CNOT10: variants seen among roughly 807,000 people sequenced by gnomAD.
CNOT10 encodes CCR4-NOT transcription complex subunit 10.
In CNOT10, 30 loss-of-function variants were observed where a neutral mutation model predicts 94.6. The observed-to-expected ratio is 0.32, with a 90% CI of 0.24 to 0.43. The LOEUF (loss-of-function observed/expected upper bound fraction) is 0.43, where lower values mean the gene tolerates loss of function less well. CNOT10 is among the 20% of genes least tolerant of loss of function. CNOT10 has a pLI of 1.00. For synonymous variants in CNOT10, 289 were observed against 301.6 expected (o/e 0.96, Z 0.43); for missense variants, 759 against 877.2 (o/e 0.87, Z 1.70).
At chr3:32,714,003 A>G (rs1288379934) in intron 5 of CNOT10, among the ~76,000 whole-genome samples, 3 of 152,150 alleles carry the variant, frequency 2.0e-5, no homozygotes, top group Non-Finnish European at 2.9e-5. Flanking sequence ...GTGTGGATAT[A>G]TGTTTTCAGT....
chr3:32,766,371 G>C (rs1478073159), intron 17 of CNOT10, among the ~76,000 whole-genome samples: 3 of 46,038 alleles, frequency 6.5e-5, no homozygotes, highest in Admixed American at 2.9e-4. Context: ...GGTGGCTCAT[G>C]CCTGTAATCC....
At chr3:32,734,706 T>C in intron 11 of CNOT10, 94 bp from the exon 12 acceptor site, 1 of 1,064,494 alleles carries the variant, frequency 9.4e-7, no homozygotes, top group Non-Finnish European at 1.3e-6. Flanking sequence ...GGCATAGCTT[T>C]CATTTATAAT....
chr3:32,694,164 A>G (rs1052769257), intron 1 of CNOT10, among the ~76,000 whole-genome samples: 2 of 151,542 alleles, frequency 1.3e-5, no homozygotes, highest in Admixed American at 1.3e-4. Context: ...ATTTAAAAAA[A>G]GTGTTTGGTA....
chr3:32,690,235 G>A (rs993152376), intron 1 of CNOT10, among the ~76,000 whole-genome samples: 20 of 152,160 alleles, frequency 1.3e-4, no homozygotes, highest in Admixed American at 1.1e-3. Context: ...GTACTACTTG[G>A]TATTTGTGGG....
chr3:32,723,760 C>G (rs539129520), intron 8 of CNOT10, among the ~76,000 whole-genome samples: 1 of 152,086 alleles, frequency 6.6e-6, no homozygotes, highest in African/African-American at 2.4e-5. Context: ...AACTAGTAAC[C>G]AACAGAAAAA....
chr3:32,741,993 T>A (rs1207626623), intron 13 of CNOT10, among the ~76,000 whole-genome samples: 1 of 151,956 alleles, frequency 6.6e-6, no homozygotes, highest in African/African-American at 2.4e-5. Flanking sequence ...ATTTTATTTT[T>A]TTGCCAGGCT....
rs567875962 is a variant in CNOT10, at chr3:32,761,876, G to A, written c.1710-857G>A. ...CAGCTTCCATCTCCCGGGTTCAAGCGATTCTCCTGCCTCAGCCTCCCAAGT... is the reference window on the plus strand; with the variant it reads ...CAGCTTCCATCTCCCGGGTTCAAGCAATTCTCCTGCCTCAGCCTCCCAAGT... On this transcript the variant is annotated intron_variant, in intron 14 of 18. Transcript: ENST00000328834. Among the ~76,000 whole-genome samples the A allele has an allele frequency of 2.4e-4, 37 of 151,236 alleles. No individual in the cohort carries two copies. The South Asian group carries it at 5.7e-3, about 23-fold the overall frequency.
chr3:32,766,796 T>C (rs74934631), intron 17 of CNOT10, among the ~76,000 whole-genome samples: 1,666 of 152,278 alleles, frequency 0.011, 61 homozygotes, highest in East Asian at 0.1. Flanking sequence ...AAGATTTTGA[T>C]TGGATCTCTT....
intron 1 of CNOT10, among the ~76,000 whole-genome samples, chr3:32,688,032 A>C (rs1696705724): frequency 6.6e-6 from 1 of 152,166 alleles, no homozygotes; most frequent in East Asian, 1.9e-4. Flanking sequence ...AGGGTCATGA[A>C]AGGACTTAAG....
chr3:32,725,676 A>G, intron 9 of CNOT10, 77 bp downstream of exon 9: 1 of 1,330,230 alleles, frequency 7.5e-7, no homozygotes, highest in Non-Finnish European at 1.0e-6. Context: ...ATGTGGTTAA[A>G]ATACCCACCA....
At chr3:32,754,141 GATT>G (rs1198762971) in intron 13 of CNOT10, among the ~76,000 whole-genome samples, 1 of 151,738 alleles carries the variant, frequency 6.6e-6, no homozygotes, top group Non-Finnish European at 1.5e-5. Context: ...ACATTTTTTG[GATT>G]ATTGTAGACA....
At chr3:32,760,990 A>G (rs1410351725) in intron 14 of CNOT10, among the ~76,000 whole-genome samples, 2 of 151,834 alleles carry the variant, frequency 1.3e-5, no homozygotes, top group Non-Finnish European at 2.9e-5. Flanking sequence ...TTAGCCGGGC[A>G]TGGGGGCACA....
intron 1 of CNOT10, among the ~76,000 whole-genome samples, chr3:32,701,025 G>A (rs952737789): frequency 2.6e-5 from 4 of 152,158 alleles, no homozygotes. Context: ...TGTAATCCTA[G>A]CACTTTGGGA....
At chr3:32,717,722 C>T (rs576731702) in intron 7 of CNOT10, among the ~76,000 whole-genome samples, 13 of 151,852 alleles carry the variant, frequency 8.6e-5, no homozygotes, top group Non-Finnish European at 1.6e-4. Flanking sequence ...AAAAATAAGC[C>T]GGGTGTGGTG....
intron 6 of CNOT10, 28 bp downstream of exon 6, chr3:32,716,339 A>G (rs1323174248): frequency 2.8e-6 from 3 of 1,067,398 alleles, no homozygotes; most frequent in Non-Finnish European, 4.3e-6. Flanking sequence ...GGGGGGCAAT[A>G]CATCACATAT....
At chr3:32,727,435 T>G (rs868091449) in intron 9 of CNOT10, among the ~76,000 whole-genome samples, 3 of 152,208 alleles carry the variant, frequency 2.0e-5, no homozygotes, top group Non-Finnish European at 2.9e-5. Context: ...CCTGAGGAGC[T>G]GGCAAATGAG....
chr3:32,734,805 G>T lies in CNOT10; in HGVS notation c.1343G>T (p.Gly448Val). The change falls in exon 12 of 19, where the codon GGG (glycine) becomes GTG (valine). Residue 448 changes from glycine to valine, a missense_variant. Physicochemically the swap from Gly to Val is moderately radical, Grantham distance 109. Transcript: ENST00000328834. ...TTTGGTTTTGTTCTTTTAAGTGATGGGCAGTCTTCGGCCATTCCTGTAGCC... is the reference window on the plus strand; with the variant it reads ...TTTGGTTTTGTTCTTTTAAGTGATGTGCAGTCTTCGGCCATTCCTGTAGCC... The part of the protein sequence containing the change: ...QSIQNTVYND[G>V]QSSAIPVASM... 1.9e-6 allele frequency: 3 copies of T among 1,594,842 alleles called. No individual in the cohort carries two copies. The highest frequency in any genetic ancestry group is 1.1e-5 in the South Asian group (1 of 88,480).
At chr3:32,700,044 C>T (rs910862970) in intron 1 of CNOT10, among the ~76,000 whole-genome samples, 3 of 147,330 alleles carry the variant, frequency 2.0e-5, no homozygotes, top group South Asian at 4.3e-4. Context: ...GGCATGATCT[C>T]GGCTCACTGC....
chr3:32,742,533 C>T (rs1166847370), intron 13 of CNOT10, among the ~76,000 whole-genome samples: 1 of 152,136 alleles, frequency 6.6e-6, no homozygotes, highest in Admixed American at 6.6e-5. Flanking sequence ...AGGCATGTGC[C>T]ACCACACCCG....
Sources: allele counts gnomAD v4.1 joint callset (sites outside exome capture counted in the v4.1 genomes callset), GRCh38; gene constraint gnomAD v4.1.1; transcripts MANE v1.5; gene names NCBI Gene and HGNC (gene_info 2026-07-23, HGNC 2026-07-21).